Variants in DNMT1 observed in about 807,000 individuals in gnomAD.
The protein encoded by DNMT1 is DNA (cytosine-5)-methyltransferase 1.
In DNMT1, 24 loss-of-function variants were observed where a neutral mutation model predicts 205.3. The ratio of observed to expected loss-of-function variants is 0.12; its 90% CI spans 0.08 to 0.16. DNMT1 has a LOEUF of 0.16. Ranked by LOEUF, DNMT1 falls within the 10% of genes least tolerant of loss-of-function variation. The pLI is 1.00. For missense variants in DNMT1, 1,293 were observed against 2,177.7 expected (o/e 0.59, Z 8.09); for synonymous variants, 817 against 839.8 (o/e 0.97, Z 0.47).
intron 1 of DNMT1, among the ~76,000 whole-genome samples, chr19:10,182,386 T>C (rs963632737): frequency 1.5e-4 from 21 of 142,314 alleles, no homozygotes; most frequent in African/African-American, 3.4e-4. Flanking sequence ...TATATATACA[T>C]ATATATGTGT....
At chr19:10,182,463 GTGTGTATATATATA>G (rs2039079238) in intron 1 of DNMT1, among the ~76,000 whole-genome samples, 1 of 118,438 alleles carries the variant, frequency 8.4e-6, no homozygotes, top group South Asian at 2.5e-4. Flanking sequence ...GTATATATAT[GTGTGTATATATATA>G]CATATATATG....
chr19:10,168,669 T>C (rs1473339425), intron 9 of DNMT1, among the ~76,000 whole-genome samples: 2 of 151,836 alleles, frequency 1.3e-5, no homozygotes, highest in African/African-American at 2.4e-5. Flanking sequence ...TCAGTATTTT[T>C]ACTTCAAAAT....
At chr19:10,173,649 G>A (rs985077984) in intron 8 of DNMT1, among the ~76,000 whole-genome samples, 1 of 151,828 alleles carries the variant, frequency 6.6e-6, no homozygotes, top group Non-Finnish European at 1.5e-5. Flanking sequence ...ATTCCACCAC[G>A]CCCAGCTAAG....
chr19:10,145,384 C>G (rs1485725496), intron 28 of DNMT1, among the ~76,000 whole-genome samples: 1 of 152,202 alleles, frequency 6.6e-6, no homozygotes, highest in Non-Finnish European at 1.5e-5. Flanking sequence ...ACCTGCTTCT[C>G]CAGTTCTCAT....
In DNMT1 at chr19:10,140,002, GC is replaced by G; in HGVS notation, c.3806+43del. 1 of 1,602,260 alleles carries G rather than the reference GC, an allele frequency of 6.2e-7. No individual in the cohort carries two copies. The highest frequency in any genetic ancestry group is 8.5e-7 in the Non-Finnish European group (1 of 1,179,956). The stretch of plus-strand genomic sequence containing the variant: ...ATGACCACTGCTGACATGCGGCACA[GC>G]CCCGGGCCGTCTGGCAACACTGGGG... On this transcript the variant is annotated intron_variant, in intron 33 of 40. Coordinates refer to ENST00000359526, the MANE Select transcript of DNMT1 (RefSeq NM_001130823.3). This position sits in a 1 kb window ranked among gnomAD's most constrained non-coding sequence, Gnocchi z 8.4.
rs537346677 is a variant in DNMT1 at position 10,147,714 on chromosome 19, G to C, written c.2720+1170C>G. The stretch of plus-strand genomic sequence containing the variant: ...CCGGGGAGCCCTCTTGGCCTCCTGG[G>C]TTTCCCTGGTTGCCACCTGCTCCTC... On this transcript the variant is annotated intron_variant, in intron 27 of 40. Transcript: ENST00000359526. Among the ~76,000 whole-genome samples, 501 of 152,274 alleles carry C rather than the reference G, an allele frequency of 3.3e-3. 2 individuals are homozygous for C. The highest frequency in any genetic ancestry group is 5.1e-3 in the Non-Finnish European group (349 of 68,020).
intron 6 of DNMT1, among the ~76,000 whole-genome samples, chr19:10,176,693 A>G (rs2038944204): frequency 1.3e-5 from 2 of 152,122 alleles, no homozygotes; most frequent in South Asian, 4.1e-4. Flanking sequence ...CCCCACCTCT[A>G]CTAAAAATAC....
Position 10,159,573 on chromosome 19 carries a change from A to C in DNMT1, c.1280+85T>G. The C allele has an allele frequency of 2.9e-6, 4 of 1,375,280 alleles. No individual in the cohort carries two copies. Among genetic ancestry groups the C allele is most frequent in the Non-Finnish European group, 4.1e-6 (4 of 974,172 alleles). 85.2% of individuals were successfully genotyped at this position (1,375,280 alleles called of 1,614,324 possible). A position where few individuals can be genotyped will look rare whatever the true frequency, so the allele number is the denominator to read the frequency against. On this transcript the variant is annotated intron_variant, in intron 17 of 40. Coordinates refer to ENST00000359526, the MANE Select transcript of DNMT1 (RefSeq NM_001130823.3). The surrounding 1 kb of genome is among the most constrained non-coding windows in gnomAD (Gnocchi z 5.0). ...CATGTTGCAGGTCAGGCACTAAAAA[A>C]CATCACCAGAATCGTGAGCCCGCAG...
Position 10,151,600 on chromosome 19 carries a change from G to T in DNMT1, c.2118-55C>A, listed in dbSNP as rs2038343762. 1.2e-6 allele frequency: 2 copies of T among 1,611,670 alleles called. No homozygotes were observed. Among genetic ancestry groups the T allele is most frequent in the African/African-American group, 2.7e-5 (2 of 75,016 alleles). ...CCTTTTCTAAGTAAGACCAACCGGG[G>T]CTGTTTTCTTCATAACAGGGACAGG... On this transcript the variant is annotated intron_variant, in intron 23 of 40. Transcript: ENST00000359526. This position sits in a 1 kb window ranked among gnomAD's most constrained non-coding sequence, Gnocchi z 5.0.
In DNMT1 at chr19:10,142,224, C is replaced by T. The variant is rs781402268; in HGVS notation, c.3117-4G>A. 37 of 1,613,720 alleles carry T rather than the reference C, an allele frequency of 2.3e-5. No individual in the cohort carries two copies. Among genetic ancestry groups the T allele is most frequent in the East Asian group, 2.0e-4 (9 of 44,886 alleles). On this transcript the variant is annotated splice_region_variant and splice_polypyrimidine_tract_variant and intron_variant, in intron 29 of 40. Transcript: ENST00000359526. ...GGACTTGTGGGTGTTCTCAGGCCTG[C>T]GAGCGGGAGAGGCCTCGTTAGGAGC...
chr19:10,146,429 T>C lies in DNMT1; in HGVS notation c.2816A>G (p.Tyr939Cys). 1.2e-6 allele frequency: 2 copies of C among 1,614,054 alleles called. No individual in the cohort carries two copies. Among genetic ancestry groups the C allele is most frequent in the Non-Finnish European group, 1.7e-6 (2 of 1,180,008 alleles). The change falls in exon 28 of 41, where the codon TAC becomes TGC. Residue 939 changes from tyrosine (Y) to cysteine (C), a missense_variant. Around this residue, in one of 13 missense-constraint regions of DNMT1, gnomAD observed 112 missense variants for 116.6 expected, o/e 0.96. Transcript: ENST00000359526. This position sits in a 1 kb window ranked among gnomAD's most constrained non-coding sequence, Gnocchi z 4.4. ...GATGCCGTTCTTGGTGGCTGAGTAGTAGAGGACCCGGCTATCCAGGTCCTC... is the reference window on the plus strand; with the variant it reads ...GATGCCGTTCTTGGTGGCTGAGTAGCAGAGGACCCGGCTATCCAGGTCCTC... ...QLEDLDSRVL[Y>C]YSATKNGILY...
intron 24 of DNMT1, 112 bp from the exon 25 acceptor site, chr19:10,150,080 G>C: frequency 1.1e-6 from 1 of 929,464 alleles, no homozygotes; most frequent in South Asian, 1.3e-5. Context: ...TCATTAAGAA[G>C]TCAATGAAGA....
chr19:10,173,100 C>A lies in DNMT1; in HGVS notation c.758G>T (p.Arg253Ile). The A allele has an allele frequency of 6.2e-7, 1 of 1,614,136 alleles. No homozygotes were observed. The highest frequency in any genetic ancestry group is 8.5e-7 in the Non-Finnish European group (1 of 1,180,024). ...GTGATAGAGCTTTACTTTTTCATCT[C>A]TTTCTTCTTCCTTTTCAGTGCGCGT... ...SGTRTEKEEE[R>I]DEKEEKRLRS... The change falls in exon 9 of 41, where the codon AGA becomes ATA. Residue 253 changes from arginine (R) to isoleucine (I), a missense_variant. Coordinates refer to ENST00000359526, the MANE Select transcript of DNMT1 (RefSeq NM_001130823.3).
chr19:10,181,241 G>A (rs2039039956), intron 2 of DNMT1, among the ~76,000 whole-genome samples: 1 of 151,756 alleles, frequency 6.6e-6, no homozygotes, highest in Non-Finnish European at 1.5e-5. Flanking sequence ...GAGCCCCAGA[G>A]TTCAAGACCA....
intron 1 of DNMT1, chr19:10,184,243 C>G (rs2039135146): frequency 6.6e-6 from 1 of 152,170 alleles, no homozygotes; most frequent in African/African-American, 2.4e-5. Flanking sequence ...GCTGATGTTC[C>G]TAAAGGCCTG....
intron 1 of DNMT1, among the ~76,000 whole-genome samples, chr19:10,183,513 C>T (rs935988558): frequency 1.3e-5 from 2 of 152,114 alleles, no homozygotes; most frequent in Non-Finnish European, 1.5e-5. Context: ...TGAGCCCAGG[C>T]GTTCAGACCA....
At chr19:10,139,630 C>T in intron 34 of DNMT1, 46 bp downstream of exon 34, 1 of 1,598,748 alleles carries the variant, frequency 6.3e-7, no homozygotes. Flanking sequence ...CTGGCCGGGT[C>T]ACGTGCTGGC....
At position 10,133,611 on chromosome 19, in the gene DNMT1, A is replaced by G; in HGVS notation, c.*56T>C. 1 of 1,564,652 alleles carries G rather than the reference A, an allele frequency of 6.4e-7. No homozygotes were observed. Among genetic ancestry groups the G allele is most frequent in the South Asian group, 1.2e-5 (1 of 85,468 alleles). ...CAGATTGACATGTTAAAAACACAAC[A>G]TCAGTGCATGTTGGGGATTCCTGGT... On this transcript the variant is annotated 3_prime_UTR_variant, in exon 41 of 41. Coordinates refer to ENST00000359526, the MANE Select transcript of DNMT1 (RefSeq NM_001130823.3). The surrounding 1 kb of genome is among the most constrained non-coding windows in gnomAD (Gnocchi z 4.1).
Position 10,168,314 on chromosome 19 carries a change from G to A in DNMT1, c.803+16C>T. 1 of 1,614,066 alleles carries A rather than the reference G, an allele frequency of 6.2e-7. No individual in the cohort carries two copies. Among genetic ancestry groups the A allele is most frequent in the Admixed American group, 1.7e-5 (1 of 60,012 alleles). ...AGTTTCACAACAAAGCACAAAGGCA[G>A]GTTCGCTGCACTTACGGTTCTTTGG... On this transcript the variant is annotated intron_variant, in intron 10 of 40. Transcript: ENST00000359526.
Sources: gnomAD v4.1 joint callset for allele counts (sites outside exome capture counted in the v4.1 genomes callset) on GRCh38, gnomAD v4.1.1 for gene constraint, gnomAD v4.1.1 regional missense constraint, Gnocchi (gnomAD v3.1) non-coding constraint, MANE v1.5 for transcripts, NCBI Gene and HGNC (gene_info 2026-07-23, HGNC 2026-07-21) for gene names.